Variants in ADAMTSL1 observed in about 807,000 individuals in gnomAD.
ADAMTSL1 encodes ADAMTS like 1.
Under a neutral mutation model 201.8 loss-of-function variants are expected in ADAMTSL1, and 126 were observed. The ratio of observed to expected loss-of-function variants is 0.62; its 90% CI spans 0.54 to 0.72. The LOEUF (loss-of-function observed/expected upper bound fraction) is 0.72. ADAMTSL1 is among the 30% of genes least tolerant of loss of function. The pLI is 0.00. For synonymous variants in ADAMTSL1, 1,121 were observed against 903.4 expected, an observed-to-expected ratio of 1.24 and a Z score of -4.32; for missense variants, 2,679 against 2,277.8, an observed-to-expected ratio of 1.18 and a Z score of -3.59.
At chr9:18,898,690 C>T in intron 26 of ADAMTSL1, among the ~76,000 whole-genome samples, 1 of 152,098 alleles carries the variant, frequency 6.6e-6, no homozygotes, top group East Asian at 1.9e-4. Flanking sequence ...ATAAGAAGAA[C>T]TAAAGACAAA....
At chr9:18,632,472 T>C (rs1461021496) in intron 5 of ADAMTSL1, among the ~76,000 whole-genome samples, 2 of 152,094 alleles carry the variant, frequency 1.3e-5, no homozygotes, top group African/African-American at 4.8e-5. Context: ...TAGAGTGAAA[T>C]GGGTTTCTTT....
chr9:18,365,044 T>C (rs541296087), intron 2 of ADAMTSL1, among the ~76,000 whole-genome samples: 46 of 152,178 alleles, frequency 3.0e-4, no homozygotes, highest in African/African-American at 1.1e-3. Flanking sequence ...AGTGCCCATA[T>C]CCTATGACCC....
At chr9:18,680,246 G>A in intron 10 of ADAMTSL1, 66 bp from the exon 11 acceptor site, 1 of 1,502,978 alleles carries the variant, frequency 6.7e-7, no homozygotes, top group Non-Finnish European at 9.1e-7. Context: ...GTGGGTTGGT[G>A]GACCAGTCAC....
chr9:18,587,443 C>T (rs868819940), intron 4 of ADAMTSL1, among the ~76,000 whole-genome samples: 3 of 152,088 alleles, frequency 2.0e-5, no homozygotes, highest in Non-Finnish European at 4.4e-5. Context: ...ATCAGAGTTA[C>T]TGGGGTATCT....
intron 2 of ADAMTSL1, among the ~76,000 whole-genome samples, chr9:18,210,055 C>G (rs989831175): frequency 1.3e-4 from 19 of 151,962 alleles, no homozygotes; most frequent in African/African-American, 4.3e-4. Context: ...CTCATGTTTA[C>G]CTTATAAAAT....
rs1039849042 is a variant in ADAMTSL1, at chr9:18,776,691, C to A, written c.2552-90C>A. ...CTTCTCTTCTCCACTCTGGCTCTTTCCTTTGCCCCTCTCTCCTGGCTGCAT... is the reference window on the plus strand; with the variant it reads ...CTTCTCTTCTCCACTCTGGCTCTTTACTTTGCCCCTCTCTCCTGGCTGCAT... On this transcript the variant is annotated intron_variant, in intron 18 of 28. Coordinates refer to ENST00000380548, the MANE Select transcript of ADAMTSL1 (RefSeq NM_001040272.6). 1.3e-5 allele frequency: 18 copies of A among 1,369,770 alleles called. No individual in the cohort carries two copies. In the Admixed American group the frequency reaches 1.6e-4, roughly 12 times the overall value. The allele number at this position is 1,369,770 out of a possible 1,614,324, so 84.9% of individuals were successfully genotyped here. A position where few individuals can be genotyped will look rare whatever the true frequency, so the allele number is the denominator to read the frequency against.
chr9:18,666,076 A>C (rs1829413501), intron 9 of ADAMTSL1, among the ~76,000 whole-genome samples: 1 of 152,162 alleles, frequency 6.6e-6, no homozygotes, highest in South Asian at 2.1e-4. Flanking sequence ...AGCAAGCCTG[A>C]ATATCCATGA....
chr9:18,809,512 G>T (rs530699191), intron 20 of ADAMTSL1, among the ~76,000 whole-genome samples: 1 of 152,172 alleles, frequency 6.6e-6, no homozygotes, highest in African/African-American at 2.4e-5. Flanking sequence ...GCTTGAGGCC[G>T]GGCATGGTGG....
intron 15 of ADAMTSL1, among the ~76,000 whole-genome samples, chr9:18,732,652 C>T (rs1032316340): frequency 3.3e-5 from 5 of 151,808 alleles, no homozygotes; most frequent in Admixed American, 6.6e-5. Context: ...TTATTCCTAG[C>T]GTTGTCTCCT....
intron 2 of ADAMTSL1, among the ~76,000 whole-genome samples, chr9:18,314,609 G>T (rs906216442): frequency 1.3e-5 from 2 of 151,678 alleles, no homozygotes; most frequent in African/African-American, 4.8e-5. Flanking sequence ...TCATGGTCTC[G>T]CTGGCCTCAT....
In ADAMTSL1 at chr9:18,504,948, G is replaced by C; in HGVS notation, c.183G>C (p.Leu61=). 6.2e-7 allele frequency: 1 copy of C among 1,608,324 alleles called. No homozygotes were observed. Among genetic ancestry groups the C allele is most frequent in the Non-Finnish European group, 8.5e-7 (1 of 1,179,028 alleles). ...GGASYSLRRC[L]SSKSCEGRNI... ...CCTCCTACTCTCTGAGGCGCTGCCT[G>C]AGCAGCAAGTAAGTCCTGCACCCGT... is the stretch of plus-strand genomic sequence containing the variant. The change falls in exon 2 of 29, where the codon CTG becomes CTC. Residue 61 remains leucine, a synonymous_variant. Coordinates refer to ENST00000380548, the MANE Select transcript of ADAMTSL1 (RefSeq NM_001040272.6).
chr9:18,199,152 T>A (rs1829321142), intron 2 of ADAMTSL1, among the ~76,000 whole-genome samples: 1 of 151,362 alleles, frequency 6.6e-6, no homozygotes, highest in African/African-American at 2.4e-5. Flanking sequence ...AAGATATACC[T>A]AATGCTAGAT....
At chr9:18,699,067 C>A (rs192208321) in intron 13 of ADAMTSL1, among the ~76,000 whole-genome samples, 2 of 152,162 alleles carry the variant, frequency 1.3e-5, no homozygotes, top group African/African-American at 4.8e-5. Context: ...GAGAACTCAG[C>A]CCCTGCAACA....
intron 8 of ADAMTSL1, among the ~76,000 whole-genome samples, chr9:18,660,740 A>G (rs1434089750): frequency 6.6e-6 from 1 of 152,214 alleles, no homozygotes; most frequent in Non-Finnish European, 1.5e-5. Flanking sequence ...ATTGGATAGA[A>G]AAAGTGTTCT....
At chr9:18,442,118 T>C (rs1262645924) in intron 2 of ADAMTSL1, among the ~76,000 whole-genome samples, 2 of 152,184 alleles carry the variant, frequency 1.3e-5, no homozygotes, top group African/African-American at 4.8e-5. Context: ...ACACTCTCCA[T>C]AGATGAAATT....
At chr9:18,107,761 T>G (rs1289302007) in intron 1 of ADAMTSL1, among the ~76,000 whole-genome samples, 1 of 152,142 alleles carries the variant, frequency 6.6e-6, no homozygotes, top group African/African-American at 2.4e-5. Flanking sequence ...CATTGTGAAT[T>G]TGATGTCAAA....
intron 23 of ADAMTSL1, among the ~76,000 whole-genome samples, chr9:18,830,684 G>A (rs549775631): frequency 2.6e-5 from 4 of 152,146 alleles, no homozygotes; most frequent in East Asian, 1.9e-4. Context: ...CTCTGGAGAC[G>A]GACAAGGTGG....
intron 1 of ADAMTSL1, among the ~76,000 whole-genome samples, chr9:18,503,847 A>G (rs958382015): frequency 6.6e-6 from 1 of 152,178 alleles, no homozygotes; most frequent in Non-Finnish European, 1.5e-5. Flanking sequence ...AGTCAGTTTA[A>G]TAACCGCACC....
chr9:18,645,705 G>T (rs1284863377), intron 7 of ADAMTSL1, among the ~76,000 whole-genome samples: 15 of 148,224 alleles, frequency 1.0e-4, no homozygotes, highest in Admixed American at 6.8e-5. Context: ...TTGTAGATAT[G>T]CAGCATTATT....
Sources: gnomAD v4.1 joint callset for allele counts (sites outside exome capture counted in the v4.1 genomes callset) on GRCh38, gnomAD v4.1.1 for gene constraint, MANE v1.5 for transcripts, NCBI Gene and HGNC (gene_info 2026-07-23, HGNC 2026-07-21) for gene names.